GRID2: variants seen among roughly 807,000 people sequenced by gnomAD.
GRID2 encodes the protein glutamate receptor ionotropic, delta-2.
GRID2 carries 33 observed loss-of-function variants against 114.8 expected under a neutral mutation model. The observed-to-expected ratio is 0.29, with a 90% CI of 0.22 to 0.38. The LOEUF (loss-of-function observed/expected upper bound fraction) is 0.38, where lower values mean the gene tolerates loss of function less well. GRID2 is among the 10% of genes least tolerant of loss of function. GRID2 has a pLI of 1.00. For missense variants in GRID2, 1,184 were observed against 1,257.7 expected (o/e 0.94, Z 0.89); for synonymous variants, 505 against 449.9 (o/e 1.12, Z -1.55).
intron 2 of GRID2, among the ~76,000 whole-genome samples, chr4:92,611,021 T>G (rs1729701145): frequency 1.4e-5 from 2 of 142,158 alleles, no homozygotes; most frequent in African/African-American, 5.7e-5. Flanking sequence ...GAATAGTCTG[T>G]GTGTGTGTGT....
rs1341153811 is a variant in GRID2 at position 92,666,981 on chromosome 4, A to G, written c.244+76695A>G. 3.6e-4 allele frequency among the ~76,000 whole-genome samples: 54 copies of G among 151,360 alleles called. No homozygotes were observed. In the Admixed American group the frequency reaches 3.6e-3, roughly 10 times the overall value. On this transcript the variant is annotated intron_variant, in intron 2 of 15. Transcript: ENST00000282020. ...GAACACACAGCCCCAATGTTAGAGAACAGTGTCCTTACTGCCCACCCTGCC... is the reference window on the plus strand; with the variant it reads ...GAACACACAGCCCCAATGTTAGAGAGCAGTGTCCTTACTGCCCACCCTGCC...
At chr4:93,493,271 A>G (rs1220153429) in intron 12 of GRID2, among the ~76,000 whole-genome samples, 1 of 151,918 alleles carries the variant, frequency 6.6e-6, no homozygotes, top group East Asian at 1.9e-4. Context: ...TGCAGTAAAC[A>G]ACAACTGTCA....
chr4:93,525,593 T>C (rs1389556751), intron 13 of GRID2, among the ~76,000 whole-genome samples: 1 of 152,236 alleles, frequency 6.6e-6, no homozygotes, highest in Non-Finnish European at 1.5e-5. Context: ...TCTTCCATAT[T>C]TTAAAATTGT....
chr4:92,923,214 A>G (rs1749511524), intron 2 of GRID2, among the ~76,000 whole-genome samples: 1 of 152,300 alleles, frequency 6.6e-6, no homozygotes, highest in East Asian at 1.9e-4. Flanking sequence ...GATAACTGTC[A>G]GGAAATTGAA....
intron 9 of GRID2, among the ~76,000 whole-genome samples, chr4:93,412,538 A>T (rs1015887589): frequency 6.6e-6 from 1 of 152,218 alleles, no homozygotes; most frequent in Non-Finnish European, 1.5e-5. Flanking sequence ...TACAATTATT[A>T]GATGAGATAA....
chr4:92,927,729 C>T (rs148093638), intron 2 of GRID2, among the ~76,000 whole-genome samples: 12 of 151,706 alleles, frequency 7.9e-5, no homozygotes, highest in Middle Eastern at 3.4e-3. Flanking sequence ...ATTTTGAACA[C>T]GGAAAATAAG....
intron 2 of GRID2, among the ~76,000 whole-genome samples, chr4:92,888,582 A>G (rs186196238): frequency 1.4e-3 from 220 of 152,194 alleles, no homozygotes; most frequent in African/African-American, 4.9e-3. Flanking sequence ...CAGTAAGTAA[A>G]TGTTTAATTT....
chr4:93,808,079 A>G (rs992603977), exon 2 of GRID2: 1 of 152,178 alleles, frequency 6.6e-6, no homozygotes, highest in Non-Finnish European at 1.5e-5. Context: ...GAGCCTCTAC[A>G]AGTAGTGATC....
At chr4:92,850,852 C>G (rs1443356668) in intron 2 of GRID2, among the ~76,000 whole-genome samples, 1 of 151,862 alleles carries the variant, frequency 6.6e-6, no homozygotes, top group African/African-American at 2.4e-5. Flanking sequence ...CAATAAATTT[C>G]TGGATATCCA....
intron 2 of GRID2, among the ~76,000 whole-genome samples, chr4:93,061,520 A>G (rs1560838347): frequency 2.0e-5 from 3 of 152,128 alleles, no homozygotes; most frequent in Admixed American, 1.3e-4. Flanking sequence ...TTGCAACATA[A>G]TATGCCAAAG....
chr4:92,587,323 G>C (rs903471879), intron 1 of GRID2, among the ~76,000 whole-genome samples: 1 of 152,040 alleles, frequency 6.6e-6, no homozygotes, highest in Admixed American at 6.6e-5. Flanking sequence ...AGTTAACAAA[G>C]TAGATCTAGT....
intron 2 of GRID2, among the ~76,000 whole-genome samples, chr4:92,670,952 T>A (rs528477702): frequency 6.6e-6 from 1 of 152,274 alleles, no homozygotes; most frequent in African/African-American, 2.4e-5. Flanking sequence ...AATACTCATT[T>A]GTGACACTGA....
chr4:93,020,235 A>G (rs560726676), intron 2 of GRID2, among the ~76,000 whole-genome samples: 30 of 152,338 alleles, frequency 2.0e-4, no homozygotes, highest in African/African-American at 7.0e-4. Context: ...GTCTTCATGA[A>G]AAAAGTAATG....
intron 4 of GRID2, among the ~76,000 whole-genome samples, chr4:93,120,332 C>CCTGATACATAGG (rs1560900195): frequency 2.0e-5 from 3 of 152,114 alleles, no homozygotes. Flanking sequence ...ATAGCAAAGA[C>CCTGATACATAGG]TTAGAACCAA....
intron 6 of GRID2, among the ~76,000 whole-genome samples, chr4:93,218,844 T>C (rs1466631089): frequency 6.6e-6 from 1 of 152,126 alleles, no homozygotes; most frequent in Non-Finnish European, 1.5e-5. Flanking sequence ...AGCAAACATG[T>C]CCTTCCTCAC....
intron 2 of GRID2, among the ~76,000 whole-genome samples, chr4:92,897,689 T>C (rs1474641128): frequency 6.6e-6 from 1 of 152,190 alleles, no homozygotes; most frequent in Non-Finnish European, 1.5e-5. Flanking sequence ...ATAGGAAATG[T>C]ATTACTTTAT....
intron 2 of GRID2, among the ~76,000 whole-genome samples, chr4:92,841,429 TTA>T (rs1280754160): frequency 3.3e-5 from 5 of 152,112 alleles, no homozygotes; most frequent in Non-Finnish European, 7.4e-5. Context: ...GAGGAGCTAT[TTA>T]TGTCTTTCAA....
intron 1 of GRID2, among the ~76,000 whole-genome samples, chr4:92,475,049 G>A (rs1722229970): frequency 6.7e-6 from 1 of 149,804 alleles, no homozygotes; most frequent in Non-Finnish European, 1.5e-5. Context: ...CAGCACACCA[G>A]CATGGCACAT....
chr4:93,355,107 C>A (rs1761204800), intron 8 of GRID2, among the ~76,000 whole-genome samples: 1 of 151,896 alleles, frequency 6.6e-6, no homozygotes, highest in Admixed American at 6.6e-5. Flanking sequence ...TAAGGCTACT[C>A]TGGGGAGAGT....
Sources: allele counts gnomAD v4.1 joint callset (sites outside exome capture counted in the v4.1 genomes callset), GRCh38; gene constraint gnomAD v4.1.1; transcripts MANE v1.5; gene names NCBI Gene and HGNC (gene_info 2026-07-23, HGNC 2026-07-21).